STK3: variants seen among roughly 807,000 people sequenced by gnomAD.
STK3 encodes serine/threonine kinase 3.
STK3 carries 41 observed loss-of-function variants against 58.0 expected under a neutral mutation model. The ratio of observed to expected loss-of-function variants is 0.71; its 90% CI spans 0.55 to 0.92. STK3 has a LOEUF of 0.92. STK3 is among the 40% of genes least tolerant of loss of function. The pLI is 0.00. For synonymous variants in STK3, 170 were observed against 191.0 expected (o/e 0.89, Z 0.91); for missense variants, 479 against 602.7 (o/e 0.79, Z 2.15).
At chr8:98,603,939 A>G (rs1482123097) in intron 6 of STK3, among the ~76,000 whole-genome samples, 1 of 152,210 alleles carries the variant, frequency 6.6e-6, no homozygotes, top group Non-Finnish European at 1.5e-5. Flanking sequence ...AGATTAAGTT[A>G]AAAGTCTTGA....
At chr8:98,440,334 T>G (rs1006850446) in intron 1 of STK3, among the ~76,000 whole-genome samples, 1 of 152,220 alleles carries the variant, frequency 6.6e-6, no homozygotes, top group East Asian at 1.9e-4. Context: ...TTTTAAAAAT[T>G]TATTTTCTAA....
At chr8:98,421,701 G>C (rs977880686) in intron 3 of STK3, among the ~76,000 whole-genome samples, 1 of 152,080 alleles carries the variant, frequency 6.6e-6, no homozygotes, top group African/African-American at 2.4e-5. Context: ...GCTTGAACCC[G>C]GGAGGTGGAG....
At chr8:98,897,925 G>C (rs1450981691) in intron 1 of STK3, among the ~76,000 whole-genome samples, 1 of 152,198 alleles carries the variant, frequency 6.6e-6, no homozygotes, top group Admixed American at 6.5e-5. Flanking sequence ...CTTACAGCTT[G>C]AATAACTACT....
At chr8:98,551,741 C>A (rs1435774966) in intron 8 of STK3, among the ~76,000 whole-genome samples, 3 of 152,122 alleles carry the variant, frequency 2.0e-5, no homozygotes, top group Non-Finnish European at 4.4e-5. Context: ...TCTTCCTTTA[C>A]CCCCCGAATA....
At chr8:98,828,460 A>C (rs925286500), upstream of STK3, among the ~76,000 whole-genome samples, 4 of 150,506 alleles carry the variant, frequency 2.7e-5, no homozygotes, top group Non-Finnish European at 4.4e-5. Flanking sequence ...AAAAAAAAAA[A>C]AAAAACAAAA....
chr8:98,923,796 C>CT (rs112760558), intron 1 of STK3, among the ~76,000 whole-genome samples: 8,224 of 151,372 alleles, frequency 0.054, 263 homozygotes, highest in African/African-American at 0.088. Context: ...ACATAAAACT[C>CT]TGTGTATATG....
downstream of STK3, among the ~76,000 whole-genome samples, chr8:98,366,389 G>GT (rs200160393): frequency 0.018 from 2,811 of 152,122 alleles, 45 homozygotes; most frequent in Non-Finnish European, 0.029. Flanking sequence ...TTTTTAATTT[G>GT]TTTTTTACTT....
At chr8:98,706,120 C>A (rs953996325) in intron 6 of STK3, among the ~76,000 whole-genome samples, 1 of 150,618 alleles carries the variant, frequency 6.6e-6, no homozygotes, top group African/African-American at 2.4e-5. Context: ...GAAATGATTA[C>A]TTCCAACTCT....
At chr8:98,789,097 C>T (rs1234434448) in intron 1 of STK3, among the ~76,000 whole-genome samples, 3 of 152,126 alleles carry the variant, frequency 2.0e-5, no homozygotes, top group Non-Finnish European at 4.4e-5. Context: ...GGAAAATCAA[C>T]TCTAAAAGGA....
intron 3 of STK3, among the ~76,000 whole-genome samples, chr8:98,424,435 T>C (rs1181472036): frequency 6.6e-6 from 1 of 151,228 alleles, no homozygotes; most frequent in Admixed American, 6.6e-5. Context: ...GGGAGGAAGG[T>C]AGGAGGTCGG....
At chr8:98,440,940 G>A (rs1818672338) in intron 1 of STK3, among the ~76,000 whole-genome samples, 1 of 152,128 alleles carries the variant, frequency 6.6e-6, no homozygotes, top group South Asian at 2.1e-4. Flanking sequence ...AAAAATGAGG[G>A]TTCCCGTTGC....
chr8:98,905,905 G>A (rs1443386152), intron 1 of STK3, among the ~76,000 whole-genome samples: 1 of 152,178 alleles, frequency 6.6e-6, no homozygotes, highest in Non-Finnish European at 1.5e-5. Context: ...TGCAGAAAAC[G>A]GAAGTGAGGT....
At chr8:98,904,823 A>C (rs1327928652) in intron 1 of STK3, 2 of 661,838 alleles carry the variant, frequency 3.0e-6, no homozygotes, top group African/African-American at 1.8e-5. Flanking sequence ...TGGCAGCAGC[A>C]CAAGAACTTG....
At chr8:98,598,998 A>C in intron 6 of STK3, 1 of 644,632 alleles carries the variant, frequency 1.6e-6, no homozygotes, top group African/African-American at 2.0e-5. Flanking sequence ...GAAAATGAGA[A>C]TCAACAATGA....
At chr8:98,476,587 A>G (rs1224119937) in intron 10 of STK3, among the ~76,000 whole-genome samples, 1 of 152,242 alleles carries the variant, frequency 6.6e-6, no homozygotes, top group African/African-American at 2.4e-5. Context: ...AGAGTTGACA[A>G]TCATGTTATA....
Position 98,923,854 on chromosome 8 carries a change from TGCGCGCGC to T in STK3, c.-79+18516_-79+18523del, listed in dbSNP as rs3029998. On this transcript the variant is annotated intron_variant, in intron 1 of 1. Transcript: ENST00000519420. ...GTGTGTGTGTGTGTGTGTGTGTGTG[TGCGCGCGC>T]GCGCGCGCGCGCGCGTTGACAATGA... Among the ~76,000 whole-genome samples the T allele has an allele frequency of 7.1e-3, 804 of 113,668 alleles. 7 individuals are homozygous for T. Among genetic ancestry groups the T allele is most frequent in the Middle Eastern group, 0.026 (6 of 228 alleles). 74.6% of individuals were successfully genotyped at this position (113,668 alleles called of 152,430 possible). A position where few individuals can be genotyped will look rare whatever the true frequency, so the allele number is the denominator to read the frequency against.
chr8:98,533,822 A>G (rs1194368258), intron 9 of STK3, among the ~76,000 whole-genome samples: 3 of 152,228 alleles, frequency 2.0e-5, no homozygotes, highest in Middle Eastern at 3.4e-3. Flanking sequence ...TTCCATCTTT[A>G]CTTTTCATTA....
intron 6 of STK3, among the ~76,000 whole-genome samples, chr8:98,620,030 G>A (rs1353411691): frequency 1.1e-4 from 11 of 100,958 alleles, no homozygotes; most frequent in Non-Finnish European, 5.9e-5. Context: ...TGTTTATTGC[G>A]GCATTATTCA....
At chr8:98,764,018 C>A (rs796827855) in intron 3 of STK3, among the ~76,000 whole-genome samples, 7 of 152,286 alleles carry the variant, frequency 4.6e-5, no homozygotes, top group African/African-American at 1.2e-4. Context: ...ATTTTAGGAT[C>A]TTTTAACCAA....
Sources: allele counts gnomAD v4.1 joint callset (sites outside exome capture counted in the v4.1 genomes callset), GRCh38; gene constraint gnomAD v4.1.1; transcripts MANE v1.5; gene names NCBI Gene and HGNC (gene_info 2026-07-23, HGNC 2026-07-21).